The following CNTLN variants were observed in gnomAD, a reference collection of about 807,000 sequenced individuals.
CNTLN encodes centlein, centrosomal protein.
CNTLN carries 212 observed loss-of-function variants against 180.0 expected under a neutral mutation model. The observed-to-expected ratio is 1.18, with a 90% CI of 1.05 to 1.32. CNTLN has a LOEUF of 1.32. Among genes scored for constraint, CNTLN ranks in the 40% most tolerant of loss-of-function variants. CNTLN has a pLI of 0.00. For missense variants in CNTLN, 2,095 were observed against 1,610.9 expected (o/e 1.30, Z -5.14); for synonymous variants, 722 against 563.1 (o/e 1.28, Z -3.99).
intron 2 of CNTLN, among the ~76,000 whole-genome samples, chr9:17,170,118 A>G (rs1335207856): frequency 6.6e-6 from 1 of 152,070 alleles, no homozygotes; most frequent in African/African-American, 2.4e-5. Context: ...GGTTAGATGT[A>G]TTTCTAAGTA....
intron 6 of CNTLN, among the ~76,000 whole-genome samples, chr9:17,275,983 C>T (rs955207457): frequency 3.9e-5 from 6 of 151,954 alleles, no homozygotes; most frequent in East Asian, 1.9e-4. Flanking sequence ...GACTACTAGA[C>T]GGTGAAGGGA....
intron 18 of CNTLN, among the ~76,000 whole-genome samples, chr9:17,421,430 T>A (rs886239589): frequency 6.6e-6 from 1 of 152,122 alleles, no homozygotes. Flanking sequence ...TATCTTTTTC[T>A]ATCCCTTTAT....
At chr9:17,514,833 G>T in the CNTLN span, among the ~76,000 whole-genome samples, 39 of 152,280 alleles carry the variant, frequency 2.6e-4, 1 homozygote, top group Admixed American at 4.6e-4. Context: ...AACTATTATA[G>T]TTAGCTCCTC....
At chr9:17,227,792 G>T (rs961385288) in intron 3 of CNTLN, among the ~76,000 whole-genome samples, 2 of 151,828 alleles carry the variant, frequency 1.3e-5, no homozygotes, top group African/African-American at 4.8e-5. Flanking sequence ...GTCATAATTG[G>T]TACTATGATG....
intron 2 of CNTLN, among the ~76,000 whole-genome samples, chr9:17,223,254 C>T (rs1824259058): frequency 6.6e-6 from 1 of 152,002 alleles, no homozygotes; most frequent in African/African-American, 2.4e-5. Flanking sequence ...TTTTGGATCA[C>T]AGTTGGCTGC....
At chr9:17,246,830 C>T (rs189872084) in intron 5 of CNTLN, among the ~76,000 whole-genome samples, 2 of 152,262 alleles carry the variant, frequency 1.3e-5, no homozygotes, top group East Asian at 3.9e-4. Context: ...CACCCAAGGG[C>T]TCTTTAGTCA....
At chr9:17,312,612 C>G (rs1819274023) in intron 8 of CNTLN, among the ~76,000 whole-genome samples, 1 of 142,226 alleles carries the variant, frequency 7.0e-6, no homozygotes, top group Admixed American at 7.3e-5. Context: ...ACCGTGTTAG[C>G]CAGGACAATC....
At chr9:17,300,740 AC>A (rs1818287261) in intron 7 of CNTLN, 1 of 153,306 alleles carries the variant, frequency 6.5e-6, no homozygotes, top group African/African-American at 2.4e-5. Context: ...AACCTGTGGG[AC>A]TCTACATGTT....
chr9:17,527,012 G>T, the CNTLN span, among the ~76,000 whole-genome samples: 1 of 151,968 alleles, frequency 6.6e-6, no homozygotes, highest in Admixed American at 6.6e-5. Context: ...CAAGTAGCTG[G>T]GATTATAGGC....
At chr9:17,136,323 A>C (rs1191371155) in intron 1 of CNTLN, among the ~76,000 whole-genome samples, 1 of 152,200 alleles carries the variant, frequency 6.6e-6, no homozygotes, top group East Asian at 1.9e-4. Flanking sequence ...CTTTGTGAAC[A>C]GTATCATCAG....
At chr9:17,286,620 G>A (rs201434415) in intron 6 of CNTLN, among the ~76,000 whole-genome samples, 5,442 of 113,502 alleles carry the variant, frequency 0.048, 65 homozygotes, top group African/African-American at 0.084. Context: ...TCACGATATT[G>A]ATTCTTCCTA....
At chr9:17,282,541 G>T (rs1828728357) in intron 6 of CNTLN, among the ~76,000 whole-genome samples, 1 of 152,098 alleles carries the variant, frequency 6.6e-6, no homozygotes, top group Non-Finnish European at 1.5e-5. Context: ...TAGGTTGCCT[G>T]TTCACTTGAT....
chr9:17,453,415 A>G (rs570973089), intron 18 of CNTLN, among the ~76,000 whole-genome samples: 1 of 152,236 alleles, frequency 6.6e-6, no homozygotes, highest in Non-Finnish European at 1.5e-5. Context: ...TATTATATAA[A>G]CTCTACGCAC....
intron 5 of CNTLN, among the ~76,000 whole-genome samples, chr9:17,240,136 A>G (rs1223567444): frequency 6.6e-6 from 1 of 151,924 alleles, no homozygotes; most frequent in East Asian, 1.9e-4. Flanking sequence ...CAATTTTTTC[A>G]GTTGTTTTGT....
At chr9:17,522,049 T>A in the CNTLN span, among the ~76,000 whole-genome samples, 1 of 152,096 alleles carries the variant, frequency 6.6e-6, no homozygotes, top group Non-Finnish European at 1.5e-5. Context: ...TACAATGAGA[T>A]ACCCCCACCC....
chr9:17,337,859 T>A (rs1007495772), intron 10 of CNTLN, among the ~76,000 whole-genome samples: 4 of 152,160 alleles, frequency 2.6e-5, no homozygotes, highest in African/African-American at 9.7e-5. Flanking sequence ...TCTTGGTCAA[T>A]CTTTGAGGTT....
chr9:17,364,205 C>T (rs1012130475), intron 12 of CNTLN, among the ~76,000 whole-genome samples: 1 of 152,190 alleles, frequency 6.6e-6, no homozygotes, highest in Non-Finnish European at 1.5e-5. Context: ...TATCTCCCAT[C>T]TGTACTCCTG....
intron 2 of CNTLN, among the ~76,000 whole-genome samples, chr9:17,147,812 T>G (rs960921594): frequency 1.3e-5 from 2 of 152,234 alleles, no homozygotes; most frequent in African/African-American, 4.8e-5. Flanking sequence ...TAGGGCTATT[T>G]TTAAAAATAG....
chr9:17,391,077 C>T (rs2133692087), intron 14 of CNTLN, among the ~76,000 whole-genome samples: 1 of 152,188 alleles, frequency 6.6e-6, no homozygotes, highest in East Asian at 1.9e-4. Flanking sequence ...AACAAAGACC[C>T]AGAGAAAACT....
Sources: gnomAD v4.1 joint callset for allele counts (sites outside exome capture counted in the v4.1 genomes callset) on GRCh38, gnomAD v4.1.1 for gene constraint, MANE v1.5 for transcripts, NCBI Gene and HGNC (gene_info 2026-07-23, HGNC 2026-07-21) for gene names.